Variants in RBM26 observed in about 807,000 individuals in gnomAD.
The protein encoded by RBM26 is RNA-binding protein 26.
Under a neutral mutation model 123.6 loss-of-function variants are expected in RBM26, and 30 were observed. The ratio of observed to expected loss-of-function variants is 0.24; its 90% CI spans 0.18 to 0.33. The LOEUF (loss-of-function observed/expected upper bound fraction) is 0.33, where lower values mean the gene tolerates loss of function less well. Ranked by LOEUF, RBM26 falls within the 10% of genes least tolerant of loss-of-function variation. The pLI is 1.00. For synonymous variants in RBM26, 400 were observed against 404.4 expected (o/e 0.99, Z 0.13); for missense variants, 947 against 1,203.6 (o/e 0.79, Z 3.15).
rs866197403 is a variant in RBM26 at position 79,373,595 on chromosome 13, A to G, written c.328-1665T>C. Among the ~76,000 whole-genome samples, 284 of 114,130 alleles carry G rather than the reference A, an allele frequency of 2.5e-3. 4 individuals are homozygous for G. The highest frequency in any genetic ancestry group is 0.017 in the Middle Eastern group (4 of 232). The allele number at this position is 114,130 out of a possible 152,430, so 74.9% of individuals were successfully genotyped here. A position where few individuals can be genotyped will look rare whatever the true frequency, so the allele number is the denominator to read the frequency against. On this transcript the variant is annotated intron_variant, in intron 3 of 21. Coordinates refer to ENST00000438737, the MANE Select transcript of RBM26 (RefSeq NM_001366735.2). ...ATAATATATTTATATATTACTATAT[A>G]TATTTATATAGTATATTTATATATT...
At chr13:79,401,485 A>T (rs1039086301) in intron 1 of RBM26, among the ~76,000 whole-genome samples, 1 of 152,216 alleles carries the variant, frequency 6.6e-6, no homozygotes, top group African/African-American at 2.4e-5. Context: ...TCAGTGCCTC[A>T]GTATCATCAC....
In RBM26 at chr13:79,358,448, C is replaced by T; in HGVS notation, c.1530-15G>A. ...TAAAATTTGGTCTGCAAACAAAATT[C>T]AAGTTAGTCAATACATTTATAAATC... On this transcript the variant is annotated splice_polypyrimidine_tract_variant and intron_variant, in intron 10 of 21. Coordinates refer to ENST00000438737, the MANE Select transcript of RBM26 (RefSeq NM_001366735.2). The T allele has an allele frequency of 6.3e-7, 1 of 1,598,602 alleles. No individual in the cohort carries two copies. Among genetic ancestry groups the T allele is most frequent in the East Asian group, 2.3e-5 (1 of 44,024 alleles).
At chr13:79,388,158 C>T (rs553414371) in intron 1 of RBM26, among the ~76,000 whole-genome samples, 2 of 152,344 alleles carry the variant, frequency 1.3e-5, no homozygotes, top group South Asian at 2.1e-4. Flanking sequence ...AATGCAGTGG[C>T]GATCTCAGCT....
intron 14 of RBM26, among the ~76,000 whole-genome samples, chr13:79,345,015 T>C (rs2072072357): frequency 6.6e-6 from 1 of 151,818 alleles, no homozygotes; most frequent in Admixed American, 6.6e-5. Flanking sequence ...ACCAAATACC[T>C]ATAGAAAAAA....
chr13:79,385,958 C>T (rs2077445119), intron 1 of RBM26, among the ~76,000 whole-genome samples: 1 of 152,060 alleles, frequency 6.6e-6, no homozygotes, highest in Admixed American at 6.6e-5. Context: ...GGCTACTCTT[C>T]TCTCCCCCAG....
intron 1 of RBM26, among the ~76,000 whole-genome samples, chr13:79,387,710 T>C (rs1033810349): frequency 6.6e-6 from 1 of 152,212 alleles, no homozygotes; most frequent in Non-Finnish European, 1.5e-5. Context: ...ATTTAGTACA[T>C]AGCATTAGAA....
intron 11 of RBM26, among the ~76,000 whole-genome samples, chr13:79,357,340 T>A (rs1166999750): frequency 6.6e-6 from 1 of 152,050 alleles, no homozygotes; most frequent in Non-Finnish European, 1.5e-5. Flanking sequence ...TTTGTTTTTA[T>A]TAAATTATAA....
Position 79,366,159 on chromosome 13 carries a change from C to A in RBM26, c.1172G>T (p.Gly391Val). ...PPPLPPLQPSGMDAPPNSATS... is the reference protein window; with the variant it reads ...PPPLPPLQPSVMDAPPNSATS... ...TGCAGAGTTTGGAGGAGCATCCATG[C>A]CAGATGGCTGCAAAGGAGGAAGTGG... The change falls in exon 8 of 22, where the codon GGC becomes GTC. Residue 391 changes from glycine to valine, a missense_variant. Physicochemically the swap from Gly to Val is moderately radical, Grantham distance 109. Transcript: ENST00000438737. The A allele has an allele frequency of 6.2e-7, 1 of 1,613,368 alleles. No homozygotes were observed. Among genetic ancestry groups the A allele is most frequent in the Non-Finnish European group, 8.5e-7 (1 of 1,179,448 alleles).
intron 13 of RBM26, 95 bp from the exon 14 acceptor site, chr13:79,353,319 GTC>G (rs1389916111): frequency 6.1e-6 from 4 of 650,430 alleles, no homozygotes; most frequent in African/African-American, 5.6e-5. Context: ...TATATACAGA[GTC>G]TATGAGTATA....
intron 1 of RBM26, among the ~76,000 whole-genome samples, chr13:79,383,536 T>C (rs1213609920): frequency 6.6e-6 from 1 of 152,150 alleles, no homozygotes; most frequent in Admixed American, 6.6e-5. Context: ...ATAAGTATGT[T>C]GGGTTTAGTG....
chr13:79,334,064 T>C (rs930218562), intron 20 of RBM26, among the ~76,000 whole-genome samples: 2 of 152,060 alleles, frequency 1.3e-5, no homozygotes, highest in African/African-American at 4.8e-5. Context: ...CCCTATCTAC[T>C]ATGAAAAAGA....
At chr13:79,313,388 TCAAAC>T (rs1566258160) in exon 5 of RBM26, 6 of 151,598 alleles carry the variant, frequency 4.0e-5, no homozygotes, top group Non-Finnish European at 5.9e-5. Context: ...AAGTGAAAAA[TCAAAC>T]CAAACCAAAC....
Position 79,339,957 on chromosome 13 carries a change from G to C in RBM26, c.2532+1166C>G, listed in dbSNP as rs139449674. On this transcript the variant is annotated intron_variant, in intron 18 of 21. Transcript: ENST00000438737. ...CCGTGATAAAGGAAAAACAGAAAAT[G>C]TCATTCAGTGTTTAGCTATGTTATA... 6.4e-3 allele frequency among the ~76,000 whole-genome samples: 972 copies of C among 152,136 alleles called. 16 individuals are homozygous for C. The highest frequency in any genetic ancestry group is 0.022 in the African/African-American group (896 of 41,530).
chr13:79,355,066 G>A (rs1259545061), intron 12 of RBM26, among the ~76,000 whole-genome samples, 154 bp downstream of exon 12: 1 of 152,204 alleles, frequency 6.6e-6, no homozygotes. Flanking sequence ...TAGAAAGGTT[G>A]AGTAAATTTT....
chr13:79,405,480 G>T (rs367729454), intron 1 of RBM26, among the ~76,000 whole-genome samples: 1 of 151,820 alleles, frequency 6.6e-6, no homozygotes, highest in Non-Finnish European at 1.5e-5. Flanking sequence ...TATATATAAC[G>T]GGAAAACGAG....
intron 2 of RBM26, 35 bp from the exon 3 acceptor site, chr13:79,377,550 C>A (rs774099946): frequency 6.6e-7 from 1 of 1,520,060 alleles, no homozygotes; most frequent in Non-Finnish European, 9.1e-7. Flanking sequence ...GATTAAAACA[C>A]ATTTGTTAAG....
Position 79,354,508 on chromosome 13 carries a change from C to T in RBM26, c.1917G>A (p.Arg639=). The T allele has an allele frequency of 1.2e-6, 2 of 1,609,780 alleles. No individual in the cohort carries two copies. Among genetic ancestry groups the T allele is most frequent in the Non-Finnish European group, 1.7e-6 (2 of 1,177,024 alleles). The change falls in exon 13 of 22, where the codon CGG becomes CGA. Residue 639 remains arginine (R), a synonymous_variant. Coordinates refer to ENST00000438737, the MANE Select transcript of RBM26 (RefSeq NM_001366735.2). ...TAGTACTTGAAGGTACTGGACCCAG[C>T]CGCTCTTTGACTGACTGCTTCACAA... is the stretch of plus-strand genomic sequence containing the variant. The part of the protein sequence containing the change: ...LPVVKQSVKE[R]LGPVPSSTIE...
At chr13:79,324,085 T>TCA (rs1425526622) in intron 20 of RBM26, among the ~76,000 whole-genome samples, 1 of 151,760 alleles carries the variant, frequency 6.6e-6, no homozygotes, top group Non-Finnish European at 1.5e-5. Context: ...TTACAAAGAT[T>TCA]CAAAATTTCA....
intron 2 of RBM26, 64 bp from the exon 3 acceptor site, chr13:79,377,579 C>G: frequency 8.3e-7 from 1 of 1,203,502 alleles, no homozygotes. Context: ...CCCGCTTCCA[C>G]ATCTCTTATC....
Sources: gnomAD v4.1 joint callset for allele counts (sites outside exome capture counted in the v4.1 genomes callset) on GRCh38, gnomAD v4.1.1 for gene constraint, MANE v1.5 for transcripts, NCBI Gene and HGNC (gene_info 2026-07-23, HGNC 2026-07-21) for gene names.